The following DNAH5 variants were observed in gnomAD, a reference collection of about 807,000 sequenced individuals.
DNAH5 encodes the protein axonemal beta dynein heavy chain 5.
DNAH5 carries 372 observed loss-of-function variants against 518.2 expected under a neutral mutation model. The observed-to-expected ratio is 0.72, with a 90% CI of 0.66 to 0.78. The LOEUF (loss-of-function observed/expected upper bound fraction) is 0.78, where lower values mean the gene tolerates loss of function less well. Among genes scored for constraint, DNAH5 ranks in the 30% least tolerant of loss-of-function variants. The pLI is 0.00. For missense variants in DNAH5, 5,523 were observed against 5,687.0 expected (o/e 0.97, Z 0.93); for synonymous variants, 2,039 against 2,025.9 (o/e 1.01, Z -0.17).
Position 13,883,006 on chromosome 5 carries a change from G to A in DNAH5, c.3072C>T (p.Ala1024=), listed in dbSNP as rs759791781. ...VTLAIPNIVM[A]PALEDVQQTL... is the part of the protein sequence containing the mutation. ...TCTGCTGTACATCTTCCAGGGCAGG[G>A]GCCATGACGATGTTGGGAATGGCCA... The change falls in exon 20 of 79, where the codon GCC becomes GCT. Residue 1024 remains alanine (A), a synonymous_variant. Coordinates refer to ENST00000265104, the MANE Select transcript of DNAH5 (RefSeq NM_001369.3). The A allele has an allele frequency of 6.2e-7, 1 of 1,613,986 alleles. No individual in the cohort carries two copies. The highest frequency in any genetic ancestry group is 1.7e-5 in the Admixed American group (1 of 59,994).
At chr5:13,764,708 G>GGAAT (rs377620454) in intron 59 of DNAH5, among the ~76,000 whole-genome samples, 195 of 152,250 alleles carry the variant, frequency 1.3e-3, no homozygotes, top group African/African-American at 4.2e-3. Flanking sequence ...GAAACCAACA[G>GGAAT]GAATGCATAC....
chr5:13,841,043 T>C lies in DNAH5; in HGVS notation c.5572A>G (p.Lys1858Glu). Residue 1858 changes from lysine to glutamate, a missense_variant, in exon 34 of 79, where the codon AAA becomes GAA. Lys to Glu is a moderately conservative substitution (Grantham distance 56, BLOSUM62 1). This residue lies in a region of DNAH5 where 5,121 missense variants were observed against 5,223.3 expected (regional missense o/e 0.98). Coordinates refer to ENST00000265104, the MANE Select transcript of DNAH5 (RefSeq NM_001369.3). ...NAKFDKKIMQ[K>E]TNQAFLELLN... is the part of the protein sequence containing the mutation. ...AGCTCCAGGAAAGCCTGATTAGTTT[T>C]CTGCATGATTTTTTTATCAAACTTG... The C allele has an allele frequency of 1.9e-6, 3 of 1,614,174 alleles. No homozygotes were observed. Among genetic ancestry groups the C allele is most frequent in the Non-Finnish European group, 2.5e-6 (3 of 1,180,016 alleles).
chr5:13,906,080 A>G (rs1358954786), intron 12 of DNAH5, among the ~76,000 whole-genome samples: 3 of 152,248 alleles, frequency 2.0e-5, no homozygotes, highest in Non-Finnish European at 2.9e-5. Flanking sequence ...CTACATAGAC[A>G]GTAAAAAGAT....
At chr5:13,929,067 C>T (rs1778161775) in intron 2 of DNAH5, among the ~76,000 whole-genome samples, 3 of 152,186 alleles carry the variant, frequency 2.0e-5, no homozygotes, top group South Asian at 2.1e-4. Context: ...GCATTACTCA[C>T]AATAGCTTCC....
chr5:13,938,413 C>T (rs1041517083), intron 1 of DNAH5, among the ~76,000 whole-genome samples: 2 of 152,076 alleles, frequency 1.3e-5, no homozygotes, highest in Non-Finnish European at 2.9e-5. Flanking sequence ...AGAAAGACCA[C>T]ATTCACACAA....
In DNAH5 at chr5:13,766,181, TG is replaced by T. The variant is rs1752495088; in HGVS notation, c.9898-3del. 6.2e-7 allele frequency: 1 copy of T among 1,614,042 alleles called. No individual in the cohort carries two copies. ...GGCGATGTCCGAAGGCCTGATGGTC[TG>T]GGGGATGAAAGGAACGATCACCCAA... is the stretch of plus-strand genomic sequence containing the variant. On this transcript the variant is annotated splice_polypyrimidine_tract_variant and splice_region_variant and intron_variant, in intron 58 of 78. Transcript: ENST00000265104.
chr5:13,747,506 C>T (rs1311272267), intron 65 of DNAH5, among the ~76,000 whole-genome samples: 1 of 152,230 alleles, frequency 6.6e-6, no homozygotes, highest in Non-Finnish European at 1.5e-5. Context: ...GTCCCACCAA[C>T]AGTGTAAAAG....
intron 68 of DNAH5, among the ~76,000 whole-genome samples, chr5:13,730,277 G>A (rs1746303977): frequency 6.6e-6 from 1 of 152,226 alleles, no homozygotes; most frequent in East Asian, 1.9e-4. Flanking sequence ...AAATGTTTTT[G>A]TTGTCCACTT....
chr5:13,828,473 T>A (rs929653248), intron 38 of DNAH5, among the ~76,000 whole-genome samples: 5 of 152,210 alleles, frequency 3.3e-5, no homozygotes, highest in Non-Finnish European at 7.3e-5. Flanking sequence ...TTATATGATA[T>A]CACCTTGAGA....
At chr5:13,864,733 C>T (rs1425532142) in intron 27 of DNAH5, 96 bp from the exon 28 acceptor site, 3 of 1,296,284 alleles carry the variant, frequency 2.3e-6, no homozygotes, top group Middle Eastern at 1.8e-4. Context: ...AAAACAGTCT[C>T]TTTGAATACT....
In DNAH5 at chr5:13,793,611, C is replaced by T. The variant is rs1219540537; in HGVS notation, c.8128G>A (p.Gly2710Ser). The change falls in exon 49 of 79, where the codon GGT (glycine) becomes AGT (serine). Residue 2710 changes from glycine to serine, a missense_variant. Physicochemically the swap from Gly to Ser is moderately conservative, Grantham distance 56. This residue lies in a region of DNAH5 where 5,121 missense variants were observed against 5,223.3 expected (regional missense o/e 0.98). Transcript: ENST00000265104. Reference sequence around the variant, plus strand: ...TGGGGTATGTCATTGCGTCCACCACCAGGATGGATCATGGCTGCCAAAAAC... The same window carrying T: ...TGGGGTATGTCATTGCGTCCACCACTAGGATGGATCATGGCTGCCAAAAAC... The part of the protein sequence containing the change: ...IQFLAAMIHP[G>S]GGRNDIPQRL... The T allele has an allele frequency of 1.2e-6, 2 of 1,614,130 alleles. No homozygotes were observed. The highest frequency in any genetic ancestry group is 1.3e-5 in the African/African-American group (1 of 75,038).
At chr5:13,874,029 C>G (rs1770517496) in intron 22 of DNAH5, among the ~76,000 whole-genome samples, 1 of 152,164 alleles carries the variant, frequency 6.6e-6, no homozygotes, top group Non-Finnish European at 1.5e-5. Context: ...TCCAGCTCCC[C>G]ACATACAGCT....
chr5:13,713,444 T>TATATATATATATAG (rs1554018846), intron 75 of DNAH5, among the ~76,000 whole-genome samples: 1 of 125,686 alleles, frequency 8.0e-6, no homozygotes, highest in African/African-American at 3.5e-5. Flanking sequence ...CATATATATA[T>TATATATATATATAG]ATATATATAT....
chr5:13,737,888 C>T (rs924323799), intron 65 of DNAH5, among the ~76,000 whole-genome samples: 1 of 151,894 alleles, frequency 6.6e-6, no homozygotes, highest in Non-Finnish European at 1.5e-5. Context: ...ATAGTGAAAA[C>T]CTGTCTCTAC....
At chr5:13,930,725 C>A (rs1241940695) in intron 2 of DNAH5, among the ~76,000 whole-genome samples, 1 of 152,132 alleles carries the variant, frequency 6.6e-6, no homozygotes, top group African/African-American at 2.4e-5. Context: ...AAAGTGAAAG[C>A]CAGAAAATCA....
chr5:13,776,743 A>G (rs367892536), intron 54 of DNAH5, 37 bp from the exon 55 acceptor site: 1 of 1,608,770 alleles, frequency 6.2e-7, no homozygotes, highest in African/African-American at 1.3e-5. Context: ...TTCAGTACAC[A>G]CATAGGAAAA....
rs1060501454 is a variant in DNAH5 at position 13,780,960 on chromosome 5, C to G, written c.8821-1G>C. ...GAGGAGTACGAATGACACGAGAGAT[C>G]TGTAATATGGAACAGAAAAAGTATG... is the stretch of plus-strand genomic sequence containing the variant. On this transcript the variant is annotated splice_acceptor_variant, in intron 52 of 78. Coordinates refer to ENST00000265104, the MANE Select transcript of DNAH5 (RefSeq NM_001369.3). LOFTEE classifies it high-confidence loss of function. 1.2e-6 allele frequency: 2 copies of G among 1,613,522 alleles called. No individual in the cohort carries two copies. Among genetic ancestry groups the G allele is most frequent in the South Asian group, 2.2e-5 (2 of 91,054 alleles).
At chr5:13,975,221 G>A (rs947562196) in intron 1 of DNAH5, among the ~76,000 whole-genome samples, 1 of 152,310 alleles carries the variant, frequency 6.6e-6, no homozygotes, top group East Asian at 1.9e-4. Context: ...CATGGCGGCG[G>A]CAAGAAAGAG....
intron 38 of DNAH5, among the ~76,000 whole-genome samples, chr5:13,825,277 G>A (rs575723946): frequency 2.0e-5 from 3 of 152,242 alleles, no homozygotes; most frequent in Non-Finnish European, 4.4e-5. Flanking sequence ...CCAGGAAGCA[G>A]AGGTTGCAGT....
Sources: allele counts gnomAD v4.1 joint callset (sites outside exome capture counted in the v4.1 genomes callset), GRCh38; gene constraint gnomAD v4.1.1; regional missense constraint gnomAD v4.1.1; transcripts MANE v1.5; gene names NCBI Gene and HGNC (gene_info 2026-07-23, HGNC 2026-07-21).